PLPPR1: variants seen among roughly 807,000 people sequenced by gnomAD.
The protein encoded by PLPPR1 is phospholipid phosphatase related 1, also known as phospholipid phosphatase-related protein type 1.
Under a neutral mutation model 33.1 loss-of-function variants are expected in PLPPR1, and 10 were observed. That is an observed-to-expected ratio of 0.30 (90% CI 0.19 to 0.51). PLPPR1 has a LOEUF of 0.51. PLPPR1 is among the 20% of genes least tolerant of loss of function. PLPPR1 has a pLI of 0.97. For synonymous variants in PLPPR1, 151 were observed against 151.0 expected (o/e 1.00, Z 0.00); for missense variants, 304 against 408.1 (o/e 0.74, Z 2.20).
At chr9:101,225,614 A>G (rs1160367155) in intron 2 of PLPPR1, among the ~76,000 whole-genome samples, 1 of 152,136 alleles carries the variant, frequency 6.6e-6, no homozygotes, top group African/African-American at 2.4e-5. Context: ...GAACAAAGAA[A>G]GAAGGACCCA....
chr9:101,113,649 A>G (rs1171265989), intron 1 of PLPPR1, among the ~76,000 whole-genome samples: 1 of 152,162 alleles, frequency 6.6e-6, no homozygotes, highest in African/African-American at 2.4e-5. Flanking sequence ...CAAAAAACAA[A>G]AAACAAAAAA....
intron 1 of PLPPR1, among the ~76,000 whole-genome samples, chr9:101,143,085 G>A (rs184346600): frequency 3.3e-5 from 5 of 151,726 alleles, no homozygotes; most frequent in Non-Finnish European, 7.4e-5. Context: ...TCATTTCCTC[G>A]TCATCTCTTA....
Position 101,269,977 on chromosome 9 carries a change from A to G in PLPPR1, c.161A>G (p.Asp54Gly). The change falls in exon 3 of 8, where the codon GAC becomes GGC. Residue 54 changes from aspartate to glycine, a missense_variant. Physicochemically the swap from Asp to Gly is moderately conservative, Grantham distance 94 (BLOSUM62 -1). Coordinates refer to ENST00000374874, the MANE Select transcript of PLPPR1 (RefSeq NM_207299.2). Reference sequence around the variant, plus strand: ...CAAGGATTCTTCTGTCAGGACGGAGACTTAATGAAGCCTTACCCAGGGACA... The same window carrying G: ...CAAGGATTCTTCTGTCAGGACGGAGGCTTAATGAAGCCTTACCCAGGGACA... ...HIQGFFCQDG[D>G]LMKPYPGTEE... The G allele has an allele frequency of 6.2e-7, 1 of 1,614,142 alleles. No individual in the cohort carries two copies.
intron 2 of PLPPR1, among the ~76,000 whole-genome samples, chr9:101,249,287 G>T (rs1827673506): frequency 2.0e-5 from 3 of 151,946 alleles, no homozygotes; most frequent in African/African-American, 7.2e-5. Flanking sequence ...GGACCTTGTG[G>T]GTACTTCTTT....
intron 4 of PLPPR1, among the ~76,000 whole-genome samples, chr9:101,288,197 C>T (rs1034990597): frequency 6.6e-6 from 1 of 152,140 alleles, no homozygotes. Context: ...ATCCAGGAAC[C>T]AGTCCTCTAG....
At chr9:101,295,501 C>A (rs1459739900) in intron 4 of PLPPR1, among the ~76,000 whole-genome samples, 1 of 152,170 alleles carries the variant, frequency 6.6e-6, no homozygotes, top group African/African-American at 2.4e-5. Flanking sequence ...CAATTCAATC[C>A]TAAGCCAAAA....
At chr9:101,182,353 A>G (rs1337535820) in intron 1 of PLPPR1, among the ~76,000 whole-genome samples, 3 of 151,712 alleles carry the variant, frequency 2.0e-5, no homozygotes, top group Non-Finnish European at 3.0e-5. Context: ...ATAATGATAT[A>G]TATTTCAAAA....
chr9:101,044,601 G>A (rs1034276090), intron 1 of PLPPR1, among the ~76,000 whole-genome samples: 6 of 152,168 alleles, frequency 3.9e-5, no homozygotes, highest in Non-Finnish European at 7.3e-5. Flanking sequence ...TCATTAATAC[G>A]TTGTTTCTAA....
At chr9:101,313,451 G>A (rs1410575909) in intron 6 of PLPPR1, among the ~76,000 whole-genome samples, 2 of 152,084 alleles carry the variant, frequency 1.3e-5, no homozygotes, top group East Asian at 1.9e-4. Context: ...TCTCCTACTC[G>A]GAAATTTTAA....
intron 2 of PLPPR1, among the ~76,000 whole-genome samples, chr9:101,227,425 G>C (rs57097738): frequency 1.5e-3 from 223 of 152,200 alleles, no homozygotes; most frequent in African/African-American, 5.2e-3. Flanking sequence ...TTTTTTCATA[G>C]GTTGGTTGTT....
rs964850841 is a variant in PLPPR1, at chr9:101,247,741, G to A, written c.64-22139G>A. Among the ~76,000 whole-genome samples the A allele has an allele frequency of 2.0e-5, 3 of 151,972 alleles. 1 individual carries two copies. The highest frequency in any genetic ancestry group is 4.1e-4 in the South Asian group (2 of 4,820). On this transcript the variant is annotated intron_variant, in intron 2 of 7. Transcript: ENST00000374874. The stretch of plus-strand genomic sequence containing the variant: ...ATCACTGGGGATCTCTTAGTCTGGA[G>A]CGCTGATTTTTCACTGGCCCCCAGG...
At chr9:101,223,148 C>CAAA (rs869205435) in intron 2 of PLPPR1, among the ~76,000 whole-genome samples, 75 of 22,630 alleles carry the variant, frequency 3.3e-3, no homozygotes, top group Non-Finnish European at 5.6e-3. Context: ...CCCATCTCTA[C>CAAA]AAAAAAAAAA....
At chr9:101,190,270 T>G (rs979277256) in intron 2 of PLPPR1, among the ~76,000 whole-genome samples, 1 of 152,178 alleles carries the variant, frequency 6.6e-6, no homozygotes, top group Non-Finnish European at 1.5e-5. Flanking sequence ...TTTCATGCCA[T>G]TTTTGTTTCA....
At chr9:101,054,334 C>T (rs572454729) in intron 1 of PLPPR1, among the ~76,000 whole-genome samples, 79 of 151,160 alleles carry the variant, frequency 5.2e-4, no homozygotes, top group African/African-American at 1.8e-3. Flanking sequence ...AATTCTATAA[C>T]GTAATTTTCA....
At chr9:101,094,326 A>G (rs1229576398) in intron 1 of PLPPR1, among the ~76,000 whole-genome samples, 3 of 151,794 alleles carry the variant, frequency 2.0e-5, no homozygotes, top group South Asian at 4.2e-4. Flanking sequence ...CCCTGATTGT[A>G]TTACCCTCCT....
intron 4 of PLPPR1, among the ~76,000 whole-genome samples, chr9:101,293,637 G>C (rs912184899): frequency 4.6e-5 from 7 of 152,182 alleles, no homozygotes; most frequent in Admixed American, 2.0e-4. Context: ...CTAGAACTCA[G>C]GATTAAGAAA....
At chr9:101,121,941 T>C (rs1439691939) in intron 1 of PLPPR1, among the ~76,000 whole-genome samples, 2 of 152,182 alleles carry the variant, frequency 1.3e-5, no homozygotes, top group African/African-American at 2.4e-5. Context: ...AGTGATTTCA[T>C]TAATATGTAG....
intron 1 of PLPPR1, among the ~76,000 whole-genome samples, chr9:101,109,173 T>A (rs1030530749): frequency 4.0e-5 from 6 of 149,240 alleles, no homozygotes; most frequent in Non-Finnish European, 8.9e-5. Context: ...GAGTTGGGGT[T>A]TCACCGTAGC....
chr9:101,038,761 T>G (rs920065308), intron 1 of PLPPR1, among the ~76,000 whole-genome samples: 19 of 152,164 alleles, frequency 1.2e-4, no homozygotes, highest in African/African-American at 4.6e-4. Flanking sequence ...CTTATGTAAC[T>G]GCTGTTAACC....
Sources: allele counts gnomAD v4.1 joint callset (sites outside exome capture counted in the v4.1 genomes callset), GRCh38; gene constraint gnomAD v4.1.1; transcripts MANE v1.5; gene names NCBI Gene and HGNC (gene_info 2026-07-23, HGNC 2026-07-21).